The following DOP1A variants were observed in gnomAD, a reference collection of about 807,000 sequenced individuals.
The protein encoded by DOP1A is protein DOP1A.
Under a neutral mutation model 267.6 loss-of-function variants are expected in DOP1A, and 90 were observed. That is an observed-to-expected ratio of 0.34 (90% CI 0.28 to 0.40). The LOEUF is 0.40. Among genes scored for constraint, DOP1A ranks in the 10% least tolerant of loss-of-function variants. The pLI is 1.00. For synonymous variants in DOP1A, 932 were observed against 999.1 expected (o/e 0.93, Z 1.27); for missense variants, 2,437 against 2,900.4 (o/e 0.84, Z 3.67).
At chr6:83,133,730 C>A (rs117791936) in intron 18 of DOP1A, among the ~76,000 whole-genome samples, 1,935 of 151,792 alleles carry the variant, frequency 0.013, 21 homozygotes, top group Non-Finnish European at 0.019. Context: ...TTGAGTCAAA[C>A]CAGCTTTATA....
intron 17 of DOP1A, 96 bp from the exon 18 acceptor site, chr6:83,132,080 T>C: frequency 1.4e-6 from 2 of 1,427,188 alleles, no homozygotes; most frequent in Non-Finnish European, 1.9e-6. Flanking sequence ...CTTTCAGGTC[T>C]GACAGAGAGC....
chr6:83,096,146 C>T lies in DOP1A; in HGVS notation c.-146-585C>T, dbSNP rs1275378069. 2.0e-5 allele frequency among the ~76,000 whole-genome samples: 3 copies of T among 152,042 alleles called. No homozygotes were observed. The East Asian group carries it at 5.8e-4, about 29-fold the overall frequency. On this transcript the variant is annotated intron_variant, in intron 1 of 38. Coordinates refer to ENST00000349129, the MANE Select transcript of DOP1A (RefSeq NM_015018.4). ...TAATAGAGGCAGAGTCTTGCTCTATCACCCAGTCATATTTCATTGCAGCCT... is the reference window on the plus strand; with the variant it reads ...TAATAGAGGCAGAGTCTTGCTCTATTACCCAGTCATATTTCATTGCAGCCT...
At chr6:83,088,426 T>G (rs996947610) in intron 1 of DOP1A, among the ~76,000 whole-genome samples, 1 of 146,136 alleles carries the variant, frequency 6.8e-6, no homozygotes, top group Non-Finnish European at 1.5e-5. Flanking sequence ...CATCTTTTTT[T>G]TTTTTTTTTT....
At chr6:83,158,312 T>A (rs905512075) in intron 35 of DOP1A, among the ~76,000 whole-genome samples, 4 of 152,166 alleles carry the variant, frequency 2.6e-5, no homozygotes, top group Non-Finnish European at 1.5e-5. Context: ...ATTTTTCCTT[T>A]TTTAATAACT....
At chr6:83,164,744 T>C (rs1269087019) in intron 38 of DOP1A, 2 of 1,566,798 alleles carry the variant, frequency 1.3e-6, no homozygotes, top group East Asian at 4.6e-5. Context: ...TTCATGCTTA[T>C]GATATGGCAG....
At chr6:83,155,477 T>C (rs1782602482) in intron 33 of DOP1A, among the ~76,000 whole-genome samples, 1 of 151,492 alleles carries the variant, frequency 6.6e-6, no homozygotes, top group African/African-American at 2.4e-5. Context: ...AAAATACAAA[T>C]AAATTGCAAA....
At chr6:83,075,266 A>G (rs1408232656) in intron 1 of DOP1A, among the ~76,000 whole-genome samples, 1 of 152,206 alleles carries the variant, frequency 6.6e-6, no homozygotes, top group Non-Finnish European at 1.5e-5. Flanking sequence ...ACCGTGGGTC[A>G]GGCACTTTTC....
At chr6:83,072,108 A>C (rs4706979) in intron 1 of DOP1A, among the ~76,000 whole-genome samples, 99,248 of 151,974 alleles carry the variant, frequency 0.65, 33,884 homozygotes, top group Middle Eastern at 0.78. Context: ...GACACCTTCT[A>C]CTCTCCTGTG....
chr6:83,153,289 T>TGAAC, intron 30 of DOP1A: 1 of 322,506 alleles, frequency 3.1e-6, no homozygotes. Flanking sequence ...CCTATCTCAG[T>TGAAC]TGGAAATGGC....
intron 1 of DOP1A, among the ~76,000 whole-genome samples, chr6:83,088,498 C>T (rs1027488290): frequency 4.7e-5 from 7 of 147,984 alleles, no homozygotes; most frequent in African/African-American, 1.8e-4. Context: ...TCTCAGCTCA[C>T]TGCAACCTCC....
chr6:83,116,811 A>T (rs1334381862), intron 7 of DOP1A, among the ~76,000 whole-genome samples: 1 of 151,974 alleles, frequency 6.6e-6, no homozygotes, highest in African/African-American at 2.4e-5. Flanking sequence ...ACTCCAACTT[A>T]AAAAAAATCC....
In DOP1A at chr6:83,153,624, C is replaced by A; in HGVS notation, c.6239+4C>A. ...TGCCCTACCTCAGAAATCACAGGTACTATCATTATTTAAATAGTTTTTAAA... is the reference window on the plus strand; with the variant it reads ...TGCCCTACCTCAGAAATCACAGGTAATATCATTATTTAAATAGTTTTTAAA... On this transcript the variant is annotated splice_donor_region_variant and intron_variant, in intron 31 of 38. Transcript: ENST00000349129. 2 of 1,563,674 alleles carry A rather than the reference C, an allele frequency of 1.3e-6. No homozygotes were observed. Among genetic ancestry groups the A allele is most frequent in the Non-Finnish European group, 1.7e-6 (2 of 1,151,898 alleles).
At chr6:83,168,749 T>G, downstream of DOP1A, 8 of 999,938 alleles carry the variant, frequency 8.0e-6, no homozygotes, top group Non-Finnish European at 9.5e-6. Flanking sequence ...ATGGCATTAG[T>G]CATATAGGTA....
rs186493765 is a variant in DOP1A at position 83,084,685 on chromosome 6, C to T, written c.-146-12046C>T. Among the ~76,000 whole-genome samples the T allele has an allele frequency of 4.4e-3, 664 of 151,908 alleles. 2 individuals are homozygous for T. Among genetic ancestry groups the T allele is most frequent in the African/African-American group, 0.015 (632 of 41,450 alleles). On this transcript the variant is annotated intron_variant, in intron 1 of 38. Transcript: ENST00000349129. ...GCAGCCTCTACCTCCTGGGTTCAAG[C>T]GATTCTTGTGCCTCAGCCACCCAAG... is the stretch of plus-strand genomic sequence containing the variant.
intron 1 of DOP1A, among the ~76,000 whole-genome samples, chr6:83,086,488 G>A (rs919272002): frequency 3.3e-5 from 5 of 152,056 alleles, no homozygotes; most frequent in African/African-American, 7.2e-5. Context: ...ACGAAGAAAC[G>A]GACCCATGCA....
rs1777650923 is a variant in DOP1A, at chr6:83,129,207, T to C, written c.2040T>C (p.Tyr680=). 5 of 1,613,308 alleles carry C rather than the reference T, an allele frequency of 3.1e-6. No homozygotes were observed. The highest frequency in any genetic ancestry group is 3.3e-5 in the Admixed American group (2 of 59,936). ...CTGCAATGCAGTGCTGCTTGGAGTA[T>C]GTCCAACAGTTTCTTACCAGACTTA... ...QKTAMQCCLE[Y]VQQFLTRLIN... is the part of the protein sequence containing the mutation. Residue 680 remains tyrosine, a synonymous_variant, in exon 16 of 39, where the codon TAT becomes TAC. Transcript: ENST00000349129.
chr6:83,076,744 C>T (rs1767165277), intron 1 of DOP1A, among the ~76,000 whole-genome samples: 2 of 152,154 alleles, frequency 1.3e-5, no homozygotes, highest in South Asian at 4.1e-4. Flanking sequence ...AAATTACTCT[C>T]TAAATGCAGC....
intron 1 of DOP1A, among the ~76,000 whole-genome samples, chr6:83,080,546 A>T (rs1426840150): frequency 6.6e-6 from 1 of 152,302 alleles, no homozygotes; most frequent in African/African-American, 2.4e-5. Flanking sequence ...GAATTTGTGC[A>T]CTAAAGCATA....
At chr6:83,103,790 A>T (rs1354633559) in intron 4 of DOP1A, among the ~76,000 whole-genome samples, 1 of 152,204 alleles carries the variant, frequency 6.6e-6, no homozygotes, top group Non-Finnish European at 1.5e-5. Flanking sequence ...CAGATTGTAA[A>T]TGTTCAATGT....
Sources: allele counts gnomAD v4.1 joint callset (sites outside exome capture counted in the v4.1 genomes callset), GRCh38; gene constraint gnomAD v4.1.1; transcripts MANE v1.5; gene names NCBI Gene and HGNC (gene_info 2026-07-23, HGNC 2026-07-21).